RDH8: variants seen among roughly 807,000 people sequenced by gnomAD.
RDH8 encodes retinol dehydrogenase 8.
Under a neutral mutation model 22.3 loss-of-function variants are expected in RDH8, and 14 were observed. The observed-to-expected ratio is 0.63, with a 90% CI of 0.42 to 0.98. The LOEUF is 0.98. Ranked by LOEUF, RDH8 falls within the 50% of genes least tolerant of loss-of-function variation. RDH8 has a pLI of 0.00. For synonymous variants in RDH8, 175 were observed against 171.7 expected, an observed-to-expected ratio of 1.02 and a Z score of -0.15; for missense variants, 389 against 409.8, an observed-to-expected ratio of 0.95 and a Z score of 0.44.
At chr19:10,015,548 G>T (rs537404982) in intron 1 of RDH8, among the ~76,000 whole-genome samples, 2 of 152,022 alleles carry the variant, frequency 1.3e-5, no homozygotes, top group South Asian at 4.1e-4. Context: ...AGAATTGCTT[G>T]AACCGGGAGA....
intron 3 of RDH8, 39 bp from the exon 4 acceptor site, chr19:10,020,670 C>T (rs2087651252): frequency 3.5e-6 from 5 of 1,426,262 alleles, no homozygotes; most frequent in Non-Finnish European, 4.9e-6. Flanking sequence ...GCCCACCTCC[C>T]AGACCCTCAA....
At chr19:10,017,262 G>C in intron 2 of RDH8, 47 bp downstream of exon 2, 1 of 1,479,010 alleles carries the variant, frequency 6.8e-7, no homozygotes, top group Non-Finnish European at 9.0e-7. Flanking sequence ...CCTGGTCTGA[G>C]TATAGACCCT....
At chr19:10,014,500 C>T (rs760553232) in intron 1 of RDH8, among the ~76,000 whole-genome samples, 1 of 152,076 alleles carries the variant, frequency 6.6e-6, no homozygotes, top group Non-Finnish European at 1.5e-5. Flanking sequence ...ACATCACACC[C>T]GTGAGGCAGG....
intron 5 of RDH8, 28 bp downstream of exon 5, chr19:10,021,466 C>T (rs377186057): frequency 5.6e-6 from 9 of 1,613,826 alleles, no homozygotes; most frequent in Middle Eastern, 1.6e-4. Flanking sequence ...AGCCCCAAGA[C>T]GTGGCTCAGG....
Position 10,021,644 on chromosome 19 carries a change from T to C in RDH8, c.831T>C (p.Tyr277=). 1.2e-6 allele frequency: 2 copies of C among 1,613,748 alleles called. No individual in the cohort carries two copies. The highest frequency in any genetic ancestry group is 1.7e-6 in the Non-Finnish European group (2 of 1,179,660). The part of the protein sequence containing the change: ...LKTVDSSGSL[Y]VRTTHRLLFR... Reference sequence around the variant, plus strand: ...CCGTGGATTCCTCTGGCAGCCTGTATGTGCGAACGACCCACCGCCTCCTCT... The same window carrying C: ...CCGTGGATTCCTCTGGCAGCCTGTACGTGCGAACGACCCACCGCCTCCTCT... The change falls in exon 6 of 6, where the codon TAT becomes TAC. Residue 277 remains tyrosine, a synonymous_variant. Transcript: ENST00000591589.
rs1122206 is a variant in RDH8 at position 10,018,876 on chromosome 19, C to G, written c.408C>G (p.His136Gln). 0.15 allele frequency: 241,675 copies of G among 1,612,830 alleles called. 19,626 individuals are homozygous for G. The highest frequency in any genetic ancestry group is 0.3 in the African/African-American group (22,759 of 74,924). Reference sequence around the variant, plus strand: ...GCATGAAGAGGAGGCGGCAGGGCCACATCGTGGTGATCAGCAGTGTCATGG... The same window carrying G: ...GCATGAAGAGGAGGCGGCAGGGCCAGATCGTGGTGATCAGCAGTGTCATGG... ...LPGMKRRRQG[H>Q]IVVISSVMGL... The change falls in exon 3 of 6, where the codon CAC becomes CAG. Residue 136 changes from histidine to glutamine, a missense_variant. By Grantham distance (24) the His-to-Gln change is conservative (BLOSUM62 0). Coordinates refer to ENST00000591589, the MANE Select transcript of RDH8 (RefSeq NM_015725.4).
intron 3 of RDH8, 59 bp downstream of exon 3, chr19:10,018,969 G>A (rs2087639811): frequency 5.0e-6 from 7 of 1,413,770 alleles, no homozygotes; most frequent in Middle Eastern, 2.0e-4. Flanking sequence ...CCCCAGACTG[G>A]GAGGATGGCG....
Position 10,020,742 on chromosome 19 carries a change from A to C in RDH8, c.476A>C (p.Lys159Thr). 1.2e-6 allele frequency: 2 copies of C among 1,611,564 alleles called. No individual in the cohort carries two copies. The highest frequency in any genetic ancestry group is 1.7e-6 in the Non-Finnish European group (2 of 1,178,756). ...VIFNDVYAAS[K>T]FALEGFFESL... ...TTCAACGATGTCTATGCAGCTTCCA[A>C]GTTCGCCCTGGAGGGATTCTTCGAA... The change falls in exon 4 of 6, where the codon AAG (lysine) becomes ACG (threonine). Residue 159 changes from lysine to threonine, a missense_variant. Lys to Thr is a moderately conservative substitution (Grantham distance 78). Transcript: ENST00000591589.
At chr19:10,020,572 C>A in intron 3 of RDH8, 137 bp from the exon 4 acceptor site, 1 of 640,508 alleles carries the variant, frequency 1.6e-6, no homozygotes, top group South Asian at 1.8e-5. Flanking sequence ...ATACACCCAT[C>A]ATCTTGGCAC....
rs201818108 is a variant in RDH8, at chr19:10,021,716, C to A, written c.903C>A (p.Cys301Ter). The change falls in exon 6 of 6, where the codon TGC (cysteine) becomes TGA (stop). Residue 301 changes from cysteine to a stop codon, truncating the protein, a stop_gained. Coordinates refer to ENST00000591589, the MANE Select transcript of RDH8 (RefSeq NM_015725.4). LOFTEE classifies it high-confidence loss of function. ...LLNLGLQCLSCGCLPTRVRPR is the reference protein window; with the variant it reads ...LLNLGLQCLS Reference sequence around the variant, plus strand: ...ACCTTGGCCTTCAATGTCTGTCCTGCGGCTGCCTCCCAACGCGGGTGCGGC... The same window carrying A: ...ACCTTGGCCTTCAATGTCTGTCCTGAGGCTGCCTCCCAACGCGGGTGCGGC... 3 of 1,613,920 alleles carry A rather than the reference C, an allele frequency of 1.9e-6. No homozygotes were observed. The highest frequency in any genetic ancestry group is 2.5e-6 in the Non-Finnish European group (3 of 1,180,040).
Position 10,018,883 on chromosome 19 carries a change from G to T in RDH8, c.415G>T (p.Val139Leu). The change falls in exon 3 of 6, where the codon GTG becomes TTG. Residue 139 changes from valine (V) to leucine (L), a missense_variant. Val to Leu is a conservative substitution (Grantham distance 32). Coordinates refer to ENST00000591589, the MANE Select transcript of RDH8 (RefSeq NM_015725.4). ...GAGGAGGCGGCAGGGCCACATCGTG[G>T]TGATCAGCAGTGTCATGGGCCTGCA... is the stretch of plus-strand genomic sequence containing the variant. ...MKRRRQGHIV[V>L]ISSVMGLQGV... The T allele has an allele frequency of 6.2e-7, 1 of 1,612,490 alleles. No homozygotes were observed. The highest frequency in any genetic ancestry group is 8.5e-7 in the Non-Finnish European group (1 of 1,178,908).
chr19:10,017,685 C>T (rs1210601228), intron 2 of RDH8, among the ~76,000 whole-genome samples: 3 of 151,996 alleles, frequency 2.0e-5, no homozygotes, highest in Non-Finnish European at 4.4e-5. Context: ...TCTTGCTCTG[C>T]GCCCAGGCTG....
rs2087666005 is a variant in RDH8 at position 10,021,968 on chromosome 19, G to A, written c.*219G>A. The A allele has an allele frequency of 3.4e-6, 2 of 590,206 alleles. No individual in the cohort carries two copies. The highest frequency in any genetic ancestry group is 5.9e-6 in the Non-Finnish European group (2 of 341,138). 36.6% of individuals were successfully genotyped at this position (590,206 alleles called of 1,614,324 possible). The stretch of plus-strand genomic sequence containing the variant: ...GCACAGAGAGGGACCCTGGGAACTT[G>A]GCCTGGGAAGCCCAGAGCAGGAAGC... On this transcript the variant is annotated 3_prime_UTR_variant, in exon 6 of 6. Transcript: ENST00000591589.
chr19:10,014,391 T>C (rs372038079), intron 1 of RDH8, among the ~76,000 whole-genome samples: 31 of 152,292 alleles, frequency 2.0e-4, no homozygotes, highest in African/African-American at 6.0e-4. Flanking sequence ...GGCGGGCAGA[T>C]GGGTGTATGA....
chr19:10,018,147 G>A (rs1166589197), intron 2 of RDH8, among the ~76,000 whole-genome samples: 1 of 152,002 alleles, frequency 6.6e-6, no homozygotes, highest in Non-Finnish European at 1.5e-5. Context: ...GTTTCTCCAT[G>A]TTCATCAGGC....
intron 1 of RDH8, among the ~76,000 whole-genome samples, chr19:10,014,267 C>T (rs898029373): frequency 6.6e-6 from 1 of 152,176 alleles, no homozygotes; most frequent in African/African-American, 2.4e-5. Context: ...AGGGCATTGC[C>T]CCAGTTGGCA....
At chr19:10,017,266 A>C (rs377508567) in intron 2 of RDH8, 51 bp downstream of exon 2, 1 of 1,475,552 alleles carries the variant, frequency 6.8e-7, no homozygotes, top group African/African-American at 1.4e-5. Flanking sequence ...GTCTGAGTAT[A>C]GACCCTCAAT....
chr19:10,021,841 C>T lies in RDH8; in HGVS notation c.*92C>T, dbSNP rs1018299957. On this transcript the variant is annotated 3_prime_UTR_variant, in exon 6 of 6. Coordinates refer to ENST00000591589, the MANE Select transcript of RDH8 (RefSeq NM_015725.4). ...AGGATGAACAGACTCTTCATTTATT[C>T]ATTCTGCAAACTCCCCCTCCCCTCC... The T allele has an allele frequency of 3.2e-5, 43 of 1,323,774 alleles. No individual in the cohort carries two copies. The East Asian group carries it at 1.1e-3, about 33-fold the overall frequency. 82.0% of individuals were successfully genotyped at this position (1,323,774 alleles called of 1,614,324 possible). A position where few individuals can be genotyped will look rare whatever the true frequency, so the allele number is the denominator to read the frequency against.
rs2087651876 is a variant in RDH8 at position 10,020,731 on chromosome 19, T to C, written c.465T>C (p.Tyr155=). 6.2e-6 allele frequency: 10 copies of C among 1,610,872 alleles called. No homozygotes were observed. Among genetic ancestry groups the C allele is most frequent in the Non-Finnish European group, 7.6e-6 (9 of 1,178,260 alleles). The change falls in exon 4 of 6, where the codon TAT becomes TAC. Residue 155 remains tyrosine (Y), a synonymous_variant. Coordinates refer to ENST00000591589, the MANE Select transcript of RDH8 (RefSeq NM_015725.4). ...GLQGVIFNDV[Y]AASKFALEGF... is the part of the protein sequence containing the mutation. ...CAGGTGTCATCTTCAACGATGTCTA[T>C]GCAGCTTCCAAGTTCGCCCTGGAGG...
Sources: gnomAD v4.1 joint callset for allele counts (sites outside exome capture counted in the v4.1 genomes callset) on GRCh38, gnomAD v4.1.1 for gene constraint, MANE v1.5 for transcripts, NCBI Gene and HGNC (gene_info 2026-07-23, HGNC 2026-07-21) for gene names.